Variants in NAV2 observed in about 807,000 individuals in gnomAD.
NAV2 encodes neuron navigator 2.
A neutral mutation model predicts 223.2 loss-of-function variants in NAV2; 54 were observed. The ratio of observed to expected loss-of-function variants is 0.24; its 90% CI spans 0.19 to 0.30. The LOEUF is 0.30. NAV2 is among the 10% of genes least tolerant of loss of function. NAV2 has a pLI of 1.00. For synonymous variants in NAV2, 1,279 were observed against 1,239.3 expected, an observed-to-expected ratio of 1.03 and a Z score of -0.67; for missense variants, 2,806 against 3,147.5, an observed-to-expected ratio of 0.89 and a Z score of 2.60.
chr11:19,525,626 AAGTGGGCACTTCTCTC>A (rs1480152967), intron 1 of NAV2, among the ~76,000 whole-genome samples: 1 of 152,176 alleles, frequency 6.6e-6, no homozygotes, highest in South Asian at 2.1e-4. Context: ...CATCTTTGCA[AAGTGGGCACTTCTCTC>A]AGTGAGGGGG....
chr11:19,914,301 A>T (rs991764043), intron 6 of NAV2, among the ~76,000 whole-genome samples: 1 of 152,174 alleles, frequency 6.6e-6, no homozygotes, highest in African/African-American at 2.4e-5. Context: ...GTGGTGTCAC[A>T]TTACTGTCGG....
chr11:19,531,064 G>A (rs1475659551), intron 1 of NAV2, among the ~76,000 whole-genome samples: 1 of 152,054 alleles, frequency 6.6e-6, no homozygotes, highest in Non-Finnish European at 1.5e-5. Context: ...ATCCAACAAA[G>A]ATTACTACTA....
Position 19,402,387 on chromosome 11 carries a change from G to C in NAV2, c.75+51360G>C, listed in dbSNP as rs79155295. 2.8e-3 allele frequency among the ~76,000 whole-genome samples: 430 copies of C among 152,292 alleles called. 2 individuals are homozygous for C. Among genetic ancestry groups the C allele is most frequent in the African/African-American group, 9.6e-3 (400 of 41,566 alleles). ...AATGGGCTGATACATGCAGAGCTCAGTGCTTTGAAACAGCGAACACTTTGT... is the reference window on the plus strand; with the variant it reads ...AATGGGCTGATACATGCAGAGCTCACTGCTTTGAAACAGCGAACACTTTGT... On this transcript the variant is annotated intron_variant, in intron 1 of 37. Coordinates refer to the NAV2 transcript ENST00000360655.
intron 3 of NAV2, among the ~76,000 whole-genome samples, chr11:19,847,971 T>C (rs2060897183): frequency 6.6e-6 from 1 of 152,166 alleles, no homozygotes; most frequent in African/African-American, 2.4e-5. Context: ...ATCTTCTAGC[T>C]CTCTCCTCCC....
intron 1 of NAV2, among the ~76,000 whole-genome samples, chr11:19,744,025 G>C (rs1279045599): frequency 1.3e-5 from 2 of 152,224 alleles, no homozygotes; most frequent in East Asian, 1.9e-4. Flanking sequence ...ATATGTGTTA[G>C]ATAAGGTACA....
intron 1 of NAV2, among the ~76,000 whole-genome samples, chr11:19,362,242 C>T (rs886930251): frequency 8.5e-5 from 13 of 152,194 alleles, no homozygotes; most frequent in Admixed American, 2.0e-4. Context: ...GACCAGGTCT[C>T]GAAGCCAGCT....
intron 1 of NAV2, among the ~76,000 whole-genome samples, chr11:19,687,408 G>A (rs1279233915): frequency 6.6e-6 from 1 of 152,144 alleles, no homozygotes; most frequent in Non-Finnish European, 1.5e-5. Context: ...CATGCATTCA[G>A]AAAAAAGCAA....
intron 1 of NAV2, among the ~76,000 whole-genome samples, chr11:19,591,447 A>C (rs540078351): frequency 6.6e-6 from 1 of 152,198 alleles, no homozygotes; most frequent in Non-Finnish European, 1.5e-5. Context: ...ACTTAGGAAC[A>C]GTCTTATTTC....
At chr11:19,772,353 G>A (rs1268064159) in intron 1 of NAV2, among the ~76,000 whole-genome samples, 1 of 152,192 alleles carries the variant, frequency 6.6e-6, no homozygotes, top group African/African-American at 2.4e-5. Flanking sequence ...TTTTACTCCT[G>A]TTTGGTGGCT....
At chr11:19,380,387 A>G (rs1848796798) in intron 1 of NAV2, 1 of 152,274 alleles carries the variant, frequency 6.6e-6, no homozygotes, top group Non-Finnish European at 1.5e-5. Context: ...GGTCTGGGAA[A>G]ATCATGGCAT....
intron 20 of NAV2, among the ~76,000 whole-genome samples, chr11:20,067,330 G>A (rs529799136): frequency 6.6e-6 from 1 of 152,254 alleles, no homozygotes; most frequent in East Asian, 1.9e-4. Context: ...CAGAAAATGG[G>A]GCAGAATTAA....
intron 1 of NAV2, among the ~76,000 whole-genome samples, chr11:19,597,431 G>A (rs4497386): frequency 0.089 from 13,553 of 152,036 alleles, 1,622 homozygotes; most frequent in African/African-American, 0.28. Context: ...GTCTTGCCTC[G>A]CTGCCCCATC....
At chr11:19,507,353 C>T (rs1564996696) in intron 1 of NAV2, 1 of 152,148 alleles carries the variant, frequency 6.6e-6, no homozygotes, top group Admixed American at 6.5e-5. Context: ...GGAGAGTCCT[C>T]CTGGGACAAG....
intron 1 of NAV2, among the ~76,000 whole-genome samples, chr11:19,500,018 G>GCA (rs914533290): frequency 6.6e-6 from 1 of 150,866 alleles, no homozygotes; most frequent in African/African-American, 2.4e-5. Context: ...CCACACACAC[G>GCA]CACACACACA....
At chr11:19,672,211 A>G (rs976454714) in intron 1 of NAV2, among the ~76,000 whole-genome samples, 1 of 152,356 alleles carries the variant, frequency 6.6e-6, no homozygotes, top group East Asian at 1.9e-4. Flanking sequence ...TGCAGTGCAC[A>G]GTCTCACCAA....
intron 1 of NAV2, chr11:19,778,453 G>A: frequency 4.6e-6 from 2 of 434,562 alleles, no homozygotes; most frequent in Admixed American, 2.6e-5. Context: ...TTAATAAACT[G>A]GAATGCATAC....
At chr11:19,867,592 T>C (rs1334896168) in intron 3 of NAV2, among the ~76,000 whole-genome samples, 1 of 151,594 alleles carries the variant, frequency 6.6e-6, no homozygotes. Context: ...AATTGCATTC[T>C]GCACCTTTTT....
chr11:19,396,944 C>T (rs1360082188), intron 1 of NAV2, among the ~76,000 whole-genome samples: 1 of 152,152 alleles, frequency 6.6e-6, no homozygotes, highest in Non-Finnish European at 1.5e-5. Context: ...GTGTATTCAC[C>T]GGAAGCCTCT....
chr11:19,650,990 A>G (rs1222282257), intron 1 of NAV2, among the ~76,000 whole-genome samples: 2 of 152,194 alleles, frequency 1.3e-5, no homozygotes, highest in African/African-American at 4.8e-5. Flanking sequence ...TGAATTGAAC[A>G]CATAAAATGA....
Sources: gnomAD v4.1 joint callset for allele counts (sites outside exome capture counted in the v4.1 genomes callset) on GRCh38, gnomAD v4.1.1 for gene constraint, MANE v1.5 for transcripts, NCBI Gene and HGNC (gene_info 2026-07-23, HGNC 2026-07-21) for gene names.